LANCL2: variants seen among roughly 807,000 people sequenced by gnomAD.
LANCL2 encodes lanC-like protein 2.
LANCL2 carries 33 observed loss-of-function variants against 56.9 expected under a neutral mutation model. The observed-to-expected ratio is 0.58, with a 90% CI of 0.44 to 0.78. The LOEUF (loss-of-function observed/expected upper bound fraction) is 0.78. Ranked by LOEUF, LANCL2 falls within the 30% of genes least tolerant of loss-of-function variation. The probability of loss-of-function intolerance (pLI) is 0.00; values close to 1 mark genes in which losing one functional copy is unlikely to be tolerated. For missense variants in LANCL2, 562 were observed against 580.2 expected (o/e 0.97, Z 0.32); for synonymous variants, 233 against 228.2 (o/e 1.02, Z -0.19).
intron 6 of LANCL2, among the ~76,000 whole-genome samples, chr7:55,422,431 CA>C (rs1438344017): frequency 6.6e-6 from 1 of 152,172 alleles, no homozygotes; most frequent in Non-Finnish European, 1.5e-5. Context: ...GAGGCTTTCA[CA>C]GTTTCCTCTT....
chr7:55,420,403 G>A (rs950858341), intron 6 of LANCL2, among the ~76,000 whole-genome samples: 17 of 152,138 alleles, frequency 1.1e-4, no homozygotes, highest in African/African-American at 3.4e-4. Context: ...TAATTCCATT[G>A]TTGTTACAGA....
intron 1 of LANCL2, 111 bp downstream of exon 1, chr7:55,366,340 G>A (rs1789867863): frequency 3.2e-6 from 3 of 929,082 alleles, no homozygotes; most frequent in Middle Eastern, 3.5e-4. Flanking sequence ...GGGAGGGCGC[G>A]GGATGATAGC....
intron 1 of LANCL2, among the ~76,000 whole-genome samples, chr7:55,371,722 G>A (rs6965887): frequency 0.35 from 53,406 of 151,806 alleles, 9,859 homozygotes; most frequent in African/African-American, 0.42. Flanking sequence ...AAACTTGTCT[G>A]TAATTTGATA....
At chr7:55,420,399 C>T (rs1790595138) in intron 6 of LANCL2, among the ~76,000 whole-genome samples, 1 of 152,098 alleles carries the variant, frequency 6.6e-6, no homozygotes, top group African/African-American at 2.4e-5. Flanking sequence ...GATTTAATTC[C>T]ATTGTTGTTA....
chr7:55,366,061 C>T lies in LANCL2; in HGVS notation c.36C>T (p.His12=), dbSNP rs762044494. 26 of 1,525,512 alleles carry T rather than the reference C, an allele frequency of 1.7e-5. No individual in the cohort carries two copies. The highest frequency in any genetic ancestry group is 2.2e-5 in the Non-Finnish European group (25 of 1,132,336). 94.5% of individuals were successfully genotyped at this position (1,525,512 alleles called of 1,614,324 possible). The change falls in exon 1 of 9, where the codon CAC becomes CAT. Residue 12 remains histidine (H), a synonymous_variant. Coordinates refer to ENST00000254770, the MANE Select transcript of LANCL2 (RefSeq NM_018697.4). ...GETMSKRLKL[H]LGGEAEMEER... ...CCATGTCAAAGAGGCTGAAGCTCCA[C>T]CTGGGAGGGGAGGCAGAAATGGAGG...
intron 1 of LANCL2, among the ~76,000 whole-genome samples, chr7:55,383,170 C>T (rs1790087619): frequency 6.6e-6 from 1 of 152,148 alleles, no homozygotes; most frequent in African/African-American, 2.4e-5. Context: ...TCCTTTGTCT[C>T]ACGCTGATAT....
At chr7:55,412,712 C>A (rs1790484894) in intron 6 of LANCL2, among the ~76,000 whole-genome samples, 1 of 152,098 alleles carries the variant, frequency 6.6e-6, no homozygotes, top group African/African-American at 2.4e-5. Context: ...TGAAGTGATG[C>A]TTCTTTTATA....
At chr7:55,396,247 AG>A (rs1790251154) in intron 2 of LANCL2, among the ~76,000 whole-genome samples, 2 of 148,662 alleles carry the variant, frequency 1.3e-5, no homozygotes, top group South Asian at 4.6e-4. Flanking sequence ...GAGCTCCACC[AG>A]GTCTTCATGG....
chr7:55,366,087 A>G lies in LANCL2; in HGVS notation c.62A>G (p.Glu21Gly). 1 of 1,536,344 alleles carries G rather than the reference A, an allele frequency of 6.5e-7. No individual in the cohort carries two copies. Residue 21 changes from glutamate to glycine, a missense_variant, in exon 1 of 9, where the codon GAA becomes GGA. Physicochemically the swap from Glu to Gly is moderately conservative, Grantham distance 98. Transcript: ENST00000254770. ...LHLGGEAEME[E>G]RAFVNPFPDY... ...CTGGGAGGGGAGGCAGAAATGGAGG[A>G]ACGGGCGTTCGTCAACCCCTTCCCG... is the stretch of plus-strand genomic sequence containing the variant.
chr7:55,377,134 T>C (rs1029800600), intron 1 of LANCL2, among the ~76,000 whole-genome samples: 2 of 152,168 alleles, frequency 1.3e-5, no homozygotes, highest in Non-Finnish European at 2.9e-5. Flanking sequence ...ATTGTAAAAA[T>C]TTATAAAATC....
intron 6 of LANCL2, among the ~76,000 whole-genome samples, chr7:55,413,916 T>A (rs1790498229): frequency 6.6e-6 from 1 of 152,146 alleles, no homozygotes; most frequent in African/African-American, 2.4e-5. Context: ...GCATATATAT[T>A]TTGTATTTCA....
At chr7:55,419,767 T>A (rs756924564) in intron 6 of LANCL2, among the ~76,000 whole-genome samples, 6 of 152,242 alleles carry the variant, frequency 3.9e-5, no homozygotes, top group Non-Finnish European at 7.3e-5. Context: ...AGCAGCTGTG[T>A]CAAAGTTGTA....
At chr7:55,421,900 A>T (rs569126143) in intron 6 of LANCL2, among the ~76,000 whole-genome samples, 1 of 151,948 alleles carries the variant, frequency 6.6e-6, no homozygotes, top group Non-Finnish European at 1.5e-5. Context: ...TTTAATTTAA[A>T]AAATTGTTTT....
chr7:55,366,350 C>A, intron 1 of LANCL2, 121 bp downstream of exon 1: 2 of 799,262 alleles, frequency 2.5e-6, no homozygotes, highest in Non-Finnish European at 3.7e-6. Flanking sequence ...GGGATGATAG[C>A]GCCTAGCACC....
At chr7:55,375,972 A>G (rs6945837) in intron 1 of LANCL2, among the ~76,000 whole-genome samples, 7,635 of 152,236 alleles carry the variant, frequency 0.05, 652 homozygotes, top group African/African-American at 0.17. Flanking sequence ...CTTCTGCCCT[A>G]TATTTCTGAC....
chr7:55,379,507 T>A (rs1463308043), intron 1 of LANCL2: 1 of 152,574 alleles, frequency 6.6e-6, no homozygotes, highest in Non-Finnish European at 1.5e-5. Context: ...ATAATCAGAT[T>A]TCTGTTAACA....
rs1189149996 is a variant in LANCL2, at chr7:55,403,014, G to A, written c.825+1694G>A. 7.2e-5 allele frequency among the ~76,000 whole-genome samples: 11 copies of A among 151,842 alleles called. No individual in the cohort carries two copies. In the East Asian group the frequency reaches 2.0e-3, roughly 27 times the overall value. On this transcript the variant is annotated intron_variant, in intron 5 of 8. Coordinates refer to ENST00000254770, the MANE Select transcript of LANCL2 (RefSeq NM_018697.4). ...AGACGATGGGCGGCCAGGCAGAGAC[G>A]CTCCTCACTTCCCAGACGGGGTGGC...
At chr7:55,390,167 C>T (rs535851893) in intron 1 of LANCL2, among the ~76,000 whole-genome samples, 34 of 152,254 alleles carry the variant, frequency 2.2e-4, no homozygotes, top group African/African-American at 7.5e-4. Context: ...GTCAGGAAGA[C>T]GTACTAGCCA....
intron 6 of LANCL2, among the ~76,000 whole-genome samples, chr7:55,413,413 G>A (rs1790492449): frequency 6.6e-6 from 1 of 152,186 alleles, no homozygotes; most frequent in Admixed American, 6.5e-5. Flanking sequence ...ACTTTAAAGA[G>A]GCTCAGCCAA....
Sources: gnomAD v4.1 joint callset for allele counts (sites outside exome capture counted in the v4.1 genomes callset) on GRCh38, gnomAD v4.1.1 for gene constraint, MANE v1.5 for transcripts, NCBI Gene and HGNC (gene_info 2026-07-23, HGNC 2026-07-21) for gene names.